Variants in DNAJC10 observed in about 807,000 individuals in gnomAD.
DNAJC10 encodes the protein DnaJ heat shock protein family (Hsp40) member C10.
A neutral mutation model predicts 115.0 loss-of-function variants in DNAJC10; 101 were observed. That is an observed-to-expected ratio of 0.88 (90% CI 0.75 to 1.04). The LOEUF is 1.04. Among genes scored for constraint, DNAJC10 ranks in the 50% least tolerant of loss-of-function variants. DNAJC10 has a pLI of 0.00. For missense variants in DNAJC10, 981 were observed against 928.8 expected, an observed-to-expected ratio of 1.06 and a Z score of -0.73; for synonymous variants, 307 against 301.5, an observed-to-expected ratio of 1.02 and a Z score of -0.19.
At chr2:182,733,905 C>G (rs1010247446) in intron 10 of DNAJC10, among the ~76,000 whole-genome samples, 1 of 151,226 alleles carries the variant, frequency 6.6e-6, no homozygotes, top group Admixed American at 6.6e-5. Flanking sequence ...AAATGTATTG[C>G]TATAAAATTG....
intron 22 of DNAJC10, among the ~76,000 whole-genome samples, chr2:182,773,856 C>G (rs1339954244): frequency 6.6e-6 from 1 of 152,232 alleles, no homozygotes; most frequent in Non-Finnish European, 1.5e-5. Flanking sequence ...CATTCTCCGT[C>G]CAGCTTTGTT....
At chr2:182,753,232 A>G (rs556817678) in intron 16 of DNAJC10, among the ~76,000 whole-genome samples, 4 of 152,302 alleles carry the variant, frequency 2.6e-5, no homozygotes, top group Admixed American at 2.0e-4. Context: ...AGCTATATGA[A>G]TACGCGAGAG....
intron 17 of DNAJC10, among the ~76,000 whole-genome samples, chr2:182,755,669 A>G (rs960511781): frequency 1.3e-4 from 20 of 152,140 alleles, no homozygotes; most frequent in Non-Finnish European, 2.5e-4. Context: ...TTAAAATATC[A>G]TTTGGAACAA....
chr2:182,728,279 A>G (rs1425412694), intron 5 of DNAJC10, among the ~76,000 whole-genome samples: 1 of 152,100 alleles, frequency 6.6e-6, no homozygotes, highest in South Asian at 2.1e-4. Context: ...CTTTATGGCC[A>G]TATTTATCTT....
rs1256606308 is a variant in DNAJC10, at chr2:182,788,351, CAT to C, written c.*11221_*11222del. On this transcript the variant is annotated 3_prime_UTR_variant, in exon 24 of 24. Coordinates refer to ENST00000264065, the MANE Select transcript of DNAJC10 (RefSeq NM_018981.4). ...TATCCATAAGCAGTAGTCCAGAAAA[CAT>C]AGCGAGGATGAAAATTCACCAAACG... 4.9e-6 allele frequency: 1 copy of C among 202,726 alleles called. No individual in the cohort carries two copies. Among genetic ancestry groups the C allele is most frequent in the African/African-American group, 2.4e-5 (1 of 41,922 alleles). 12.6% of individuals were successfully genotyped at this position (202,726 alleles called of 1,614,324 possible). A position where few individuals can be genotyped will look rare whatever the true frequency, so the allele number is the denominator to read the frequency against.
At chr2:182,739,187 A>G (rs542101306) in intron 11 of DNAJC10, among the ~76,000 whole-genome samples, 1 of 145,058 alleles carries the variant, frequency 6.9e-6, no homozygotes, top group Admixed American at 6.9e-5. Context: ...TATAGTATAT[A>G]TCATATATAT....
At position 182,778,577 on chromosome 2, in the gene DNAJC10, T is replaced by C. The variant is rs1461429747; in HGVS notation, c.*1445T>C. 1.1e-5 allele frequency: 1 copy of C among 87,280 alleles called. No homozygotes were observed. Among genetic ancestry groups the C allele is most frequent in the East Asian group, 2.5e-4 (1 of 3,930 alleles). 5.4% of individuals were successfully genotyped at this position (87,280 alleles called of 1,614,324 possible). ...CCTTTTTTTCTTTTCAATATCACTT[T>C]ATCCTGCTCACCAGTATTTCCTCAT... On this transcript the variant is annotated 3_prime_UTR_variant, in exon 24 of 24. Transcript: ENST00000264065.
chr2:182,718,238 TAAGAC>T lies in DNAJC10; in HGVS notation c.156_160del (p.Arg52SerfsTer12). ...TCCAAAACTGCAAGCAGTAGAGAAA[TAAGAC>T]AAGCTTTCAAGAAATTGGCATTGAA... On this transcript the variant is annotated frameshift_variant, in exon 3 of 24. Coordinates refer to ENST00000264065, the MANE Select transcript of DNAJC10 (RefSeq NM_018981.4). LOFTEE classifies it high-confidence loss of function. 6.2e-7 allele frequency: 1 copy of T among 1,612,698 alleles called. No homozygotes were observed. Among genetic ancestry groups the T allele is most frequent in the Non-Finnish European group, 8.5e-7 (1 of 1,179,586 alleles).
chr2:182,757,721 TATAGATTGCCA>T lies in DNAJC10; in HGVS notation c.1841_1851del (p.Ile614ThrfsTer16). Reference sequence around the variant, plus strand: ...TAACTGGACTGATCAACGTGGGCAGTATAGATTGCCAACAGTATCATTCTTTTTGTGCCCAG... The same window carrying T: ...TAACTGGACTGATCAACGTGGGCAGTACAGTATCATTCTTTTTGTGCCCAG... On this transcript the variant is annotated frameshift_variant, in exon 19 of 24. Transcript: ENST00000264065. LOFTEE classifies it high-confidence loss of function. 1 of 1,599,866 alleles carries T rather than the reference TATAGATTGCCA, an allele frequency of 6.3e-7. No individual in the cohort carries two copies. Among genetic ancestry groups the T allele is most frequent in the East Asian group, 2.3e-5 (1 of 44,402 alleles).
At chr2:182,748,670 T>C (rs906390855) in intron 14 of DNAJC10, among the ~76,000 whole-genome samples, 7 of 152,188 alleles carry the variant, frequency 4.6e-5, no homozygotes, top group Non-Finnish European at 1.0e-4. Flanking sequence ...GTTGATCCTT[T>C]CAAAAAACCA....
At chr2:182,743,120 T>C (rs181222380) in intron 13 of DNAJC10, among the ~76,000 whole-genome samples, 1 of 152,342 alleles carries the variant, frequency 6.6e-6, no homozygotes, top group East Asian at 1.9e-4. Context: ...GTGCTGGGAT[T>C]ATAGGCATGA....
At chr2:182,743,372 G>C (rs1325628596) in intron 13 of DNAJC10, among the ~76,000 whole-genome samples, 1 of 151,928 alleles carries the variant, frequency 6.6e-6, no homozygotes, top group African/African-American at 2.4e-5. Flanking sequence ...ATTTTCTTGG[G>C]AATTCCTCAG....
At chr2:182,742,818 G>A (rs928483133) in intron 13 of DNAJC10, among the ~76,000 whole-genome samples, 1 of 151,390 alleles carries the variant, frequency 6.6e-6, no homozygotes, top group Non-Finnish European at 1.5e-5. Context: ...TTTTCTGATG[G>A]GATGTTTGTC....
intron 7 of DNAJC10, 55 bp from the exon 8 acceptor site, chr2:182,729,793 T>A: frequency 1.7e-6 from 2 of 1,164,770 alleles, no homozygotes; most frequent in Non-Finnish European, 2.5e-6. Flanking sequence ...ATTATTTTTA[T>A]TGAGTTTTAA....
At position 182,731,085 on chromosome 2, in the gene DNAJC10, C is replaced by T. The variant is rs1288217555; in HGVS notation, c.783C>T (p.Ile261=). The part of the protein sequence containing the change: ...TAFAAGIGWL[I]TFCSKGGDCL... ...TTGCTGCTGGTATTGGCTGGCTGAT[C>T]ACTTTTTGTTCAAAAGGAGGAGGTA... Residue 261 remains isoleucine, a synonymous_variant, in exon 9 of 24, where the codon ATC becomes ATT. Coordinates refer to ENST00000264065, the MANE Select transcript of DNAJC10 (RefSeq NM_018981.4). 2 of 1,612,466 alleles carry T rather than the reference C, an allele frequency of 1.2e-6. No individual in the cohort carries two copies. The highest frequency in any genetic ancestry group is 2.2e-5 in the South Asian group (2 of 90,834).
intron 13 of DNAJC10, among the ~76,000 whole-genome samples, chr2:182,742,960 C>T (rs894099685): frequency 6.6e-6 from 1 of 152,042 alleles, no homozygotes; most frequent in African/African-American, 2.4e-5. Context: ...AGTTCTGCTG[C>T]CTCAGCCTCC....
intron 21 of DNAJC10, among the ~76,000 whole-genome samples, chr2:182,760,962 G>T (rs1694272159): frequency 6.6e-6 from 1 of 151,768 alleles, no homozygotes; most frequent in Non-Finnish European, 1.5e-5. Flanking sequence ...TATAAACTTT[G>T]TAATGCAACT....
At chr2:182,738,949 TCTC>T (rs1023687847) in intron 11 of DNAJC10, among the ~76,000 whole-genome samples, 1 of 151,856 alleles carries the variant, frequency 6.6e-6, no homozygotes, top group Non-Finnish European at 1.5e-5. Context: ...ACTAACAAAT[TCTC>T]CTCTAACAGA....
chr2:182,729,223 A>C lies in DNAJC10; in HGVS notation c.633+229A>C, dbSNP rs112038442. The C allele has an allele frequency of 5.2e-3, 2,028 of 386,924 alleles. 38 individuals are homozygous for C. The highest frequency in any genetic ancestry group is 0.04 in the African/African-American group (1,896 of 47,900). The allele number at this position is 386,924 out of a possible 1,614,324, so 24.0% of individuals were successfully genotyped here. On this transcript the variant is annotated intron_variant, in intron 7 of 23. Transcript: ENST00000264065. ...GAGTGCAAGGGTGCAGTCTCGGCTCACTGCAACCTCTGCCTCCTGGGCTCA... is the reference window on the plus strand; with the variant it reads ...GAGTGCAAGGGTGCAGTCTCGGCTCCCTGCAACCTCTGCCTCCTGGGCTCA...
Sources: allele counts gnomAD v4.1 joint callset (sites outside exome capture counted in the v4.1 genomes callset), GRCh38; gene constraint gnomAD v4.1.1; transcripts MANE v1.5; gene names NCBI Gene and HGNC (gene_info 2026-07-23, HGNC 2026-07-21).